C2orf76: variants seen among roughly 807,000 people sequenced by gnomAD.
C2orf76 encodes chromosome 2 open reading frame 76.
In C2orf76, 23 loss-of-function variants were observed where a neutral mutation model predicts 16.9. The ratio of observed to expected loss-of-function variants is 1.36; its 90% CI spans 0.98 to 1.93. The LOEUF (loss-of-function observed/expected upper bound fraction) is 1.93. Among genes scored for constraint, C2orf76 ranks in the 30% most tolerant of loss-of-function variants. The pLI, the probability that C2orf76 is intolerant of heterozygous loss-of-function variation, is 0.00. For missense variants in C2orf76, 152 were observed against 152.6 expected (o/e 1.00, Z 0.02); for synonymous variants, 48 against 52.3 (o/e 0.92, Z 0.35).
chr2:119,291,535 T>C, the C2orf76 span, among the ~76,000 whole-genome samples: 2 of 151,978 alleles, frequency 1.3e-5, no homozygotes, highest in African/African-American at 4.8e-5. Context: ...TGCTCAGGGC[T>C]GGCTGAATCC....
chr2:119,329,806 C>T (rs1017417116), intron 2 of C2orf76, among the ~76,000 whole-genome samples: 3 of 152,036 alleles, frequency 2.0e-5, no homozygotes, highest in South Asian at 4.2e-4. Flanking sequence ...ACAAAACCCA[C>T]AATACGTTGT....
At chr2:119,303,041 T>C (rs1374640813) in intron 5 of C2orf76, among the ~76,000 whole-genome samples, 1 of 152,204 alleles carries the variant, frequency 6.6e-6, no homozygotes. Flanking sequence ...TTCTCCCTCA[T>C]GACCCATCAA....
chr2:119,343,999 C>T (rs1010227930), intron 1 of C2orf76, among the ~76,000 whole-genome samples: 4 of 152,196 alleles, frequency 2.6e-5, no homozygotes, highest in African/African-American at 7.2e-5. Flanking sequence ...GGCAGGCTGG[C>T]ACTTGCATTC....
chr2:119,363,368 G>T (rs1680813722), intron 1 of C2orf76, among the ~76,000 whole-genome samples: 2 of 150,434 alleles, frequency 1.3e-5, no homozygotes, highest in Admixed American at 1.3e-4. Flanking sequence ...AGCTTGCAGT[G>T]AGCCGAGATC....
intron 2 of C2orf76, among the ~76,000 whole-genome samples, chr2:119,325,694 G>A (rs1007649514): frequency 6.6e-6 from 1 of 152,118 alleles, no homozygotes; most frequent in Non-Finnish European, 1.5e-5. Flanking sequence ...GTATATGAGA[G>A]TTCCAATTCT....
chr2:119,337,625 A>AC (rs1236116904), intron 2 of C2orf76, among the ~76,000 whole-genome samples: 2 of 152,192 alleles, frequency 1.3e-5, no homozygotes, highest in African/African-American at 4.8e-5. Flanking sequence ...TCAGAGTTCC[A>AC]TAGTACCTCA....
Position 119,348,698 on chromosome 2 carries a change from G to T in C2orf76, c.-12-8727C>A, listed in dbSNP as rs568044611. On this transcript the variant is annotated intron_variant, in intron 1 of 5. Coordinates refer to ENST00000334816, the MANE Select transcript of C2orf76 (RefSeq NM_001322331.2). The stretch of plus-strand genomic sequence containing the variant: ...TGGAACTCTGTCTTAAAAAAAAAAA[G>T]AAAAGAAGTTAAAGGGCTCGGTGCC... Among the ~76,000 whole-genome samples, 3 of 149,268 alleles carry T rather than the reference G, an allele frequency of 2.0e-5. No individual in the cohort carries two copies. In the South Asian group the frequency reaches 6.5e-4, roughly 32 times the overall value.
intron 2 of C2orf76, 82 bp from the exon 3 acceptor site, chr2:119,321,286 T>C (rs1679333945): frequency 1.3e-6 from 1 of 777,160 alleles, no homozygotes. Flanking sequence ...TCTATTCTTT[T>C]CTATCTACAG....
downstream of C2orf76, among the ~76,000 whole-genome samples, chr2:119,301,090 C>CACACACAT (rs1678613904): frequency 7.1e-6 from 1 of 141,614 alleles, no homozygotes; most frequent in East Asian, 2.0e-4. Flanking sequence ...CACACACACA[C>CACACACAT]ACACACACAC....
At chr2:119,353,163 C>CAA (rs143456052) in intron 1 of C2orf76, among the ~76,000 whole-genome samples, 1 of 148,026 alleles carries the variant, frequency 6.8e-6, no homozygotes, top group African/African-American at 2.5e-5. Context: ...GTCATTTTAT[C>CAA]AAAAAAAAAA....
At chr2:119,349,032 G>C (rs1680298543) in intron 1 of C2orf76, among the ~76,000 whole-genome samples, 1 of 152,164 alleles carries the variant, frequency 6.6e-6, no homozygotes, top group Admixed American at 6.5e-5. Context: ...CCTGTGTACA[G>C]TATCACTGCA....
At chr2:119,314,632 T>C (rs1320214476) in intron 4 of C2orf76, among the ~76,000 whole-genome samples, 1 of 152,234 alleles carries the variant, frequency 6.6e-6, no homozygotes, top group African/African-American at 2.4e-5. Flanking sequence ...ACATGTCTTA[T>C]ATGTTAGAGC....
At chr2:119,341,921 G>C (rs1282473759) in intron 1 of C2orf76, among the ~76,000 whole-genome samples, 1 of 152,148 alleles carries the variant, frequency 6.6e-6, no homozygotes, top group East Asian at 1.9e-4. Flanking sequence ...ACTTAAAGGA[G>C]CAGTACTTTT....
the C2orf76 span, among the ~76,000 whole-genome samples, chr2:119,283,396 T>C: frequency 6.6e-6 from 1 of 152,228 alleles, no homozygotes; most frequent in Non-Finnish European, 1.5e-5. Flanking sequence ...TGCCTCCTCC[T>C]TCCTGCTTTG....
Position 119,321,177 on chromosome 2 carries a change from G to T in C2orf76, c.161C>A (p.Pro54Gln). 7.0e-7 allele frequency: 1 copy of T among 1,436,030 alleles called. No individual in the cohort carries two copies. Among genetic ancestry groups the T allele is most frequent in the Non-Finnish European group, 9.5e-7 (1 of 1,058,094 alleles). The allele number at this position is 1,436,030 out of a possible 1,614,324, so 89.0% of individuals were successfully genotyped here. A position where few individuals can be genotyped will look rare whatever the true frequency, so the allele number is the denominator to read the frequency against. Residue 54 changes from proline to glutamine, a missense_variant, in exon 3 of 6, where the codon CCA (proline) becomes CAA (glutamine). Physicochemically the swap from Pro to Gln is moderately conservative, Grantham distance 76. Transcript: ENST00000334816. Reference sequence around the variant, plus strand: ...ACCATATTTATAATTTCTGAATGGTGGTGGCAGGTTGGTCCTTAAAGGGAT... The same window carrying T: ...ACCATATTTATAATTTCTGAATGGTTGTGGCAGGTTGGTCCTTAAAGGGAT... ...QDIPLRTNLPPPFRNYKYDAL... is the reference protein window; with the variant it reads ...QDIPLRTNLPQPFRNYKYDAL...
chr2:119,356,900 A>C (rs1680588683), intron 1 of C2orf76, among the ~76,000 whole-genome samples: 1 of 152,154 alleles, frequency 6.6e-6, no homozygotes, highest in Admixed American at 6.5e-5. Context: ...GCACAGACAA[A>C]ATGGACCAAT....
chr2:119,297,225 C>T (rs145662023), downstream of C2orf76, among the ~76,000 whole-genome samples: 20 of 152,318 alleles, frequency 1.3e-4, no homozygotes, highest in East Asian at 3.9e-3. Context: ...CTCCTCAGAG[C>T]TCTAGCACAG....
the C2orf76 span, among the ~76,000 whole-genome samples, chr2:119,291,567 AT>A: frequency 6.6e-6 from 1 of 151,890 alleles, no homozygotes; most frequent in Non-Finnish European, 1.5e-5. Flanking sequence ...ACCTCGGGAA[AT>A]GAAATGGGAA....
At chr2:119,342,141 C>G (rs1250224393) in intron 1 of C2orf76, among the ~76,000 whole-genome samples, 1 of 152,054 alleles carries the variant, frequency 6.6e-6, no homozygotes, top group Non-Finnish European at 1.5e-5. Flanking sequence ...GGATGGTGTA[C>G]TCCTACGATA....
Sources: gnomAD v4.1 joint callset for allele counts (sites outside exome capture counted in the v4.1 genomes callset) on GRCh38, gnomAD v4.1.1 for gene constraint, MANE v1.5 for transcripts, NCBI Gene and HGNC (gene_info 2026-07-23, HGNC 2026-07-21) for gene names.